TCAF1: variants seen among roughly 807,000 people sequenced by gnomAD.
The protein encoded by TCAF1 is TRPM8 channel associated factor 1.
TCAF1 carries 4 observed loss-of-function variants against 27.3 expected under a neutral mutation model. The observed-to-expected ratio is 0.15, with a 90% CI of 0.07 to 0.34. TCAF1 has a LOEUF of 0.34. TCAF1 is among the 10% of genes least tolerant of loss of function. The pLI is 1.00. For missense variants in TCAF1, 257 were observed against 425.8 expected, an observed-to-expected ratio of 0.60 and a Z score of 3.49; for synonymous variants, 105 against 167.1, an observed-to-expected ratio of 0.63 and a Z score of 2.87.
rs1563212085 is a variant in TCAF1 at position 143,860,011 on chromosome 7, TA to T, written c.2167+196del. ...TAATATATATTATATAATATATATA[TA>T]ATATATATTATATATTATATATATA... On this transcript the variant is annotated intron_variant, in intron 6 of 8. Transcript: ENST00000479870. Among the ~76,000 whole-genome samples the T allele has an allele frequency of 5.4e-4, 11 of 20,436 alleles. No individual in the cohort carries two copies. The South Asian group carries it at 5.8e-3, about 11-fold the overall frequency. 13.4% of individuals were successfully genotyped at this position (20,436 alleles called of 152,430 possible).
intron 1 of TCAF1, among the ~76,000 whole-genome samples, chr7:143,880,491 G>A (rs1812956547): frequency 6.6e-6 from 1 of 152,204 alleles, no homozygotes; most frequent in African/African-American, 2.4e-5. Context: ...AGGAAGGAAA[G>A]AGGTGAACCA....
At chr7:143,885,045 G>A in intron 1 of TCAF1, 1 of 985,342 alleles carries the variant, frequency 1.0e-6, no homozygotes. Context: ...CGACCACTTT[G>A]GCAGCCCCGC....
At chr7:143,859,788 C>T (rs1249964756) in intron 6 of TCAF1, among the ~76,000 whole-genome samples, 1 of 149,602 alleles carries the variant, frequency 6.7e-6, no homozygotes, top group African/African-American at 2.5e-5. Flanking sequence ...GGCTTGAAGT[C>T]CCTGATGAAT....
chr7:143,890,136 C>G (rs1356614088), intron 1 of TCAF1, among the ~76,000 whole-genome samples: 1 of 151,736 alleles, frequency 6.6e-6, no homozygotes, highest in East Asian at 1.9e-4. Flanking sequence ...CTACAGGCAC[C>G]CGCCACCACA....
intron 1 of TCAF1, among the ~76,000 whole-genome samples, chr7:143,897,050 A>C (rs1284926372): frequency 6.7e-6 from 1 of 148,742 alleles, no homozygotes; most frequent in Non-Finnish European, 1.5e-5. Flanking sequence ...ACAATGAAAA[A>C]GTGGCCATAT....
intron 1 of TCAF1, among the ~76,000 whole-genome samples, chr7:143,887,244 T>C (rs1023496528): frequency 2.0e-5 from 3 of 152,134 alleles, no homozygotes; most frequent in African/African-American, 7.2e-5. Context: ...TGTGAATAAA[T>C]GAACAATTAA....
intron 1 of TCAF1, chr7:143,885,200 CG>C: frequency 2.0e-6 from 2 of 985,542 alleles, no homozygotes; most frequent in Non-Finnish European, 2.4e-6. Context: ...CAGCTTTGGA[CG>C]AGACTCACCC....
chr7:143,897,270 AC>A (rs1291315498), intron 1 of TCAF1, among the ~76,000 whole-genome samples: 2 of 150,394 alleles, frequency 1.3e-5, no homozygotes, highest in African/African-American at 4.9e-5. Context: ...AGACAGCAAC[AC>A]CAACTCCTCC....
In TCAF1 at chr7:143,891,233, A is replaced by G. The variant is rs1001450691; in HGVS notation, c.-15+10728T>C. Among the ~76,000 whole-genome samples the G allele has an allele frequency of 3.9e-5, 6 of 152,184 alleles. No homozygotes were observed. The South Asian group carries it at 1.2e-3, about 31-fold the overall frequency. On this transcript the variant is annotated intron_variant, in intron 1 of 8. Transcript: ENST00000479870. ...AAACCTTTATATTTTTTCATCCACA[A>G]TATTCTGCATTGAATCAAAAATTAG...
At chr7:143,885,812 A>C (rs1243669260) in intron 1 of TCAF1, among the ~76,000 whole-genome samples, 1 of 152,190 alleles carries the variant, frequency 6.6e-6, no homozygotes, top group East Asian at 1.9e-4. Flanking sequence ...TGGAAGATAA[A>C]CTATTAGAAC....
chr7:143,867,179 A>AAG (rs1291560330), intron 2 of TCAF1, among the ~76,000 whole-genome samples: 1 of 98,660 alleles, frequency 1.0e-5, no homozygotes, highest in African/African-American at 3.8e-5. Context: ...TGGCTTAAAA[A>AAG]AAAAAAACTT....
intron 1 of TCAF1, among the ~76,000 whole-genome samples, chr7:143,889,830 A>T (rs911212862): frequency 1.3e-5 from 2 of 152,178 alleles, no homozygotes; most frequent in East Asian, 3.8e-4. Context: ...GCTTCACCAG[A>T]CAGTCCTCCT....
chr7:143,884,819 T>A (rs1172168127), intron 1 of TCAF1, among the ~76,000 whole-genome samples: 1 of 152,132 alleles, frequency 6.6e-6, no homozygotes, highest in Non-Finnish European at 1.5e-5. Context: ...AAATCTGTCA[T>A]ATTATCTCCT....
At chr7:143,892,977 G>A (rs568834572) in intron 1 of TCAF1, among the ~76,000 whole-genome samples, 2 of 152,088 alleles carry the variant, frequency 1.3e-5, no homozygotes, top group East Asian at 3.9e-4. Context: ...AAACAACTAA[G>A]ATACCAACTA....
chr7:143,893,396 A>G (rs1813739146), intron 1 of TCAF1, among the ~76,000 whole-genome samples: 1 of 152,128 alleles, frequency 6.6e-6, no homozygotes. Context: ...CATGATTTGA[A>G]TAACATAATT....
rs572942841 is a variant in TCAF1 at position 143,894,332 on chromosome 7, T to C, written c.-15+7629A>G. ...TCATAAAACTTCTTCCAGAGACTAGTAAATGAAGAAACTCTTCCCAACTCA... is the reference window on the plus strand; with the variant it reads ...TCATAAAACTTCTTCCAGAGACTAGCAAATGAAGAAACTCTTCCCAACTCA... On this transcript the variant is annotated intron_variant, in intron 1 of 8. Coordinates refer to ENST00000479870, the MANE Select transcript of TCAF1 (RefSeq NM_014719.3). Among the ~76,000 whole-genome samples the C allele has an allele frequency of 2.6e-5, 4 of 151,960 alleles. No homozygotes were observed. The East Asian group carries it at 7.7e-4, about 29-fold the overall frequency.
intron 1 of TCAF1, chr7:143,882,726 G>A: frequency 1.0e-6 from 1 of 985,770 alleles, no homozygotes; most frequent in Non-Finnish European, 1.2e-6. Flanking sequence ...TTTTGGAGAG[G>A]GCCACTCACC....
At chr7:143,885,566 T>A (rs944689899) in intron 1 of TCAF1, 12 of 984,974 alleles carry the variant, frequency 1.2e-5, no homozygotes, top group Admixed American at 6.1e-5. Context: ...TCGTTGAGAC[T>A]GTTCATTAAC....
At chr7:143,889,233 G>A (rs1398629782) in intron 1 of TCAF1, among the ~76,000 whole-genome samples, 1 of 152,142 alleles carries the variant, frequency 6.6e-6, no homozygotes, top group Non-Finnish European at 1.5e-5. Context: ...ATAATAGAAA[G>A]ATTGTGGGAG....
Sources: gnomAD v4.1 joint callset for allele counts (sites outside exome capture counted in the v4.1 genomes callset) on GRCh38, gnomAD v4.1.1 for gene constraint, MANE v1.5 for transcripts, NCBI Gene and HGNC (gene_info 2026-07-23, HGNC 2026-07-21) for gene names.